NFATC1: variants seen among roughly 807,000 people sequenced by gnomAD.
NFATC1 encodes nuclear factor of activated T cells 1.
NFATC1 carries 22 observed loss-of-function variants against 76.0 expected under a neutral mutation model. That is an observed-to-expected ratio of 0.29 (90% CI 0.21 to 0.41). The LOEUF (loss-of-function observed/expected upper bound fraction) is 0.41. NFATC1 is among the 10% of genes least tolerant of loss of function. NFATC1 has a pLI of 1.00. For missense variants in NFATC1, 1,357 were observed against 1,337.7 expected (o/e 1.01, Z -0.23); for synonymous variants, 704 against 613.1 (o/e 1.15, Z -2.19).
chr18:79,488,826 C>G (rs2089597071), intron 9 of NFATC1, among the ~76,000 whole-genome samples: 1 of 152,246 alleles, frequency 6.6e-6, no homozygotes, highest in African/African-American at 2.4e-5. Context: ...CCAGTTGTGA[C>G]CCACCAGCTC....
intron 1 of NFATC1, among the ~76,000 whole-genome samples, chr18:79,396,559 C>G (rs1244744365): frequency 2.6e-5 from 4 of 152,162 alleles, no homozygotes; most frequent in African/African-American, 9.6e-5. Flanking sequence ...CGCCTTCTGC[C>G]AATAGGTGTC....
At chr18:79,469,874 G>A (rs190012647) in intron 8 of NFATC1, 52 of 985,444 alleles carry the variant, frequency 5.3e-5, no homozygotes, top group Middle Eastern at 1.0e-3. Flanking sequence ...TGGGGGCTGC[G>A]ACCGCAACCT....
intron 4 of NFATC1, among the ~76,000 whole-genome samples, chr18:79,449,330 G>C (rs1394447256): frequency 1.3e-5 from 2 of 152,234 alleles, no homozygotes; most frequent in Admixed American, 6.5e-5. Flanking sequence ...AAAGCAGTCA[G>C]CACATCTGGA....
intron 9 of NFATC1, among the ~76,000 whole-genome samples, chr18:79,523,293 C>T (rs1001911776): frequency 6.6e-6 from 1 of 152,158 alleles, no homozygotes; most frequent in Non-Finnish European, 1.5e-5. Context: ...TATCAAACAG[C>T]GTTCAGGCCC....
chr18:79,519,020 T>C (rs1280386418), intron 9 of NFATC1, among the ~76,000 whole-genome samples: 2 of 152,210 alleles, frequency 1.3e-5, no homozygotes, highest in Admixed American at 6.5e-5. Context: ...TCCTGAGCCC[T>C]GCAGGACTGG....
chr18:79,420,406 G>A (rs548535216), intron 2 of NFATC1, among the ~76,000 whole-genome samples: 24 of 149,292 alleles, frequency 1.6e-4, no homozygotes, highest in African/African-American at 4.2e-4. Context: ...AGGCGAGGTC[G>A]CTGCAGAGGG....
At chr18:79,400,159 C>T (rs2085140027) in intron 1 of NFATC1, 2 of 1,055,540 alleles carry the variant, frequency 1.9e-6, no homozygotes, top group South Asian at 8.5e-5. Context: ...GCGGGGGGGA[C>T]ACGAGTTTAT....
At chr18:79,496,832 A>T (rs2089900379) in intron 9 of NFATC1, 1 of 152,186 alleles carries the variant, frequency 6.6e-6, no homozygotes, top group South Asian at 2.1e-4. Flanking sequence ...TTAGAATGGC[A>T]CTGTGGGCAG....
chr18:79,483,806 CTCCAGCGTGACCTGGTCCTGGGGTGTCAT>C (rs2089407067), intron 8 of NFATC1, among the ~76,000 whole-genome samples: 8 of 135,338 alleles, frequency 5.9e-5, no homozygotes, highest in African/African-American at 2.3e-4. Context: ...TGAGGTGTCA[CTCCAGCGTGACCTGGTCCTGGGGTGTCAT>C]TCCAGCGTGA....
intron 2 of NFATC1, among the ~76,000 whole-genome samples, chr18:79,412,937 CACA>C (rs1314924732): frequency 3.9e-5 from 6 of 152,208 alleles, no homozygotes; most frequent in African/African-American, 1.4e-4. Context: ...TCTAGGTGAT[CACA>C]ACGAGCCTGT....
chr18:79,451,307 C>T (rs919698340), intron 5 of NFATC1, among the ~76,000 whole-genome samples, 181 bp downstream of exon 5: 1 of 152,268 alleles, frequency 6.6e-6, no homozygotes. Flanking sequence ...TTGCCTGTGG[C>T]CTCCCGGGGG....
At chr18:79,469,179 C>A (rs541325572) in intron 8 of NFATC1, 54 of 310,546 alleles carry the variant, frequency 1.7e-4, no homozygotes, top group Non-Finnish European at 2.3e-4. Flanking sequence ...AATATTTTAT[C>A]TTTTTCTGAA....
intron 3 of NFATC1, among the ~76,000 whole-genome samples, chr18:79,442,228 AC>A (rs1426314388): frequency 6.6e-6 from 1 of 152,104 alleles, no homozygotes; most frequent in Non-Finnish European, 1.5e-5. Context: ...AGACGTGGAG[AC>A]CCGCGTGCAC....
rs571218315 is a variant in NFATC1 at position 79,481,771 on chromosome 18, C to G, written c.2093-4477C>G. Among the ~76,000 whole-genome samples, 5 of 152,292 alleles carry G rather than the reference C, an allele frequency of 3.3e-5. No individual in the cohort carries two copies. In the South Asian group the frequency reaches 1.0e-3, roughly 32 times the overall value. On this transcript the variant is annotated intron_variant, in intron 8 of 9. Coordinates refer to ENST00000427363, the MANE Select transcript of NFATC1 (RefSeq NM_001278669.2). ...TGAATGTGACGTCTGGGGTGTAATT[C>G]CAGCGTGACCTGGTCCTGGGGTGTC...
intron 8 of NFATC1, among the ~76,000 whole-genome samples, chr18:79,484,260 G>C (rs2089430625): frequency 6.6e-6 from 1 of 152,124 alleles, no homozygotes; most frequent in African/African-American, 2.4e-5. Context: ...CCAAAGGCTG[G>C]GAATGCCTGG....
chr18:79,505,719 G>T (rs1349849977), intron 9 of NFATC1, among the ~76,000 whole-genome samples: 180 of 135,286 alleles, frequency 1.3e-3, no homozygotes, highest in Middle Eastern at 4.1e-3. Context: ...CCTTGGGTGA[G>T]GGAAGAGGCA....
chr18:79,398,837 G>C (rs1016625954), intron 1 of NFATC1, among the ~76,000 whole-genome samples: 1 of 152,248 alleles, frequency 6.6e-6, no homozygotes, highest in Non-Finnish European at 1.5e-5. Flanking sequence ...GGGAGGCCGA[G>C]GCAAGCGGAT....
intron 2 of NFATC1, among the ~76,000 whole-genome samples, chr18:79,425,085 ATC>A (rs1360493097): frequency 5.9e-5 from 4 of 67,288 alleles, no homozygotes; most frequent in African/African-American, 1.9e-4. Context: ...CTGTCTCTCC[ATC>A]TCTGTCTCTC....
intron 8 of NFATC1, among the ~76,000 whole-genome samples, chr18:79,476,995 C>G (rs1264926894): frequency 6.6e-6 from 1 of 152,250 alleles, no homozygotes; most frequent in Non-Finnish European, 1.5e-5. Flanking sequence ...TTCTCTGTCT[C>G]CCACATCAGG....
Sources: allele counts gnomAD v4.1 joint callset (sites outside exome capture counted in the v4.1 genomes callset), GRCh38; gene constraint gnomAD v4.1.1; transcripts MANE v1.5; gene names NCBI Gene and HGNC (gene_info 2026-07-23, HGNC 2026-07-21).